The following ADAM22 variants were observed in gnomAD, a reference collection of about 807,000 sequenced individuals.
The protein encoded by ADAM22 is disintegrin and metalloproteinase domain-containing protein 22.
In ADAM22, 65 loss-of-function variants were observed where a neutral mutation model predicts 144.6. That is an observed-to-expected ratio of 0.45 (90% CI 0.37 to 0.55). The LOEUF is 0.55. ADAM22 is among the 20% of genes least tolerant of loss of function. The pLI, the probability that ADAM22 is intolerant of heterozygous loss-of-function variation, is 0.00. For missense variants in ADAM22, 974 were observed against 1,184.9 expected (o/e 0.82, Z 2.61); for synonymous variants, 391 against 412.6 (o/e 0.95, Z 0.63).
intron 2 of ADAM22, among the ~76,000 whole-genome samples, chr7:87,971,606 T>C (rs188039932): frequency 7.9e-4 from 120 of 152,336 alleles, no homozygotes; most frequent in African/African-American, 2.8e-3. Context: ...GTTTTTCCAG[T>C]ATCTGTGAGG....
intron 18 of ADAM22, among the ~76,000 whole-genome samples, chr7:88,150,447 G>T (rs1301284629): frequency 2.0e-5 from 3 of 152,152 alleles, no homozygotes; most frequent in Non-Finnish European, 4.4e-5. Context: ...ATTATAAAGT[G>T]TGCCCTTTTC....
At chr7:88,039,787 GT>G in intron 3 of ADAM22, among the ~76,000 whole-genome samples, 1 of 151,740 alleles carries the variant, frequency 6.6e-6, no homozygotes, top group Non-Finnish European at 1.5e-5. Flanking sequence ...CACTTTACCA[GT>G]AACATACTAG....
At chr7:87,971,691 T>C (rs1020007456) in intron 2 of ADAM22, among the ~76,000 whole-genome samples, 1 of 152,244 alleles carries the variant, frequency 6.6e-6, no homozygotes, top group Non-Finnish European at 1.5e-5. Flanking sequence ...CCTTAGCCTG[T>C]GTCCCCCACC....
intron 3 of ADAM22, among the ~76,000 whole-genome samples, chr7:88,006,502 G>A (rs369369461): frequency 5.9e-5 from 9 of 152,084 alleles, no homozygotes; most frequent in Non-Finnish European, 1.0e-4. Context: ...AAAATCCTCA[G>A]TAAAATACTG....
intron 15 of ADAM22, among the ~76,000 whole-genome samples, chr7:88,144,533 G>T (rs957413009): frequency 2.6e-5 from 4 of 152,042 alleles, no homozygotes; most frequent in African/African-American, 9.7e-5. Flanking sequence ...CTAATTTTTT[G>T]ATGCTTTTCT....
At chr7:88,065,067 G>T (rs1436758627) in intron 3 of ADAM22, among the ~76,000 whole-genome samples, 1 of 152,030 alleles carries the variant, frequency 6.6e-6, no homozygotes, top group Non-Finnish European at 1.5e-5. Flanking sequence ...GAGAAATTTT[G>T]TGATAAGTAC....
At chr7:88,075,993 A>C (rs1344517822) in intron 4 of ADAM22, among the ~76,000 whole-genome samples, 2 of 151,726 alleles carry the variant, frequency 1.3e-5, no homozygotes, top group African/African-American at 4.8e-5. Flanking sequence ...TTAATGGCAA[A>C]AACCCCAATT....
At chr7:87,992,608 A>G (rs1030129261) in intron 3 of ADAM22, among the ~76,000 whole-genome samples, 5 of 152,194 alleles carry the variant, frequency 3.3e-5, no homozygotes, top group Admixed American at 6.5e-5. Flanking sequence ...TTCCATAGGT[A>G]GTATTCGTTT....
At chr7:88,187,920 C>A (rs1355430945) in intron 30 of ADAM22, among the ~76,000 whole-genome samples, 1 of 151,782 alleles carries the variant, frequency 6.6e-6, no homozygotes, top group Admixed American at 6.6e-5. Context: ...TTTTATACCC[C>A]ATCTTTCCCT....
intron 5 of ADAM22, among the ~76,000 whole-genome samples, chr7:88,111,561 G>A (rs1410836551): frequency 1.3e-5 from 2 of 152,098 alleles, no homozygotes; most frequent in African/African-American, 2.4e-5. Flanking sequence ...GAACCTTAAA[G>A]CACGGAGTTA....
At chr7:88,179,775 AAAG>A (rs1268791411) in intron 27 of ADAM22, among the ~76,000 whole-genome samples, 4 of 152,114 alleles carry the variant, frequency 2.6e-5, no homozygotes, top group South Asian at 2.1e-4. Context: ...AAATAAATGA[AAAG>A]AAGAAATAAA....
At position 88,166,014 on chromosome 7, in the gene ADAM22, T is replaced by G. The variant is rs756030781; in HGVS notation, c.2191+68T>G. 324 of 1,062,456 alleles carry G rather than the reference T, an allele frequency of 3.0e-4. No homozygotes were observed. In the Middle Eastern group the frequency reaches 7.6e-3, roughly 25 times the overall value. 65.8% of individuals were successfully genotyped at this position (1,062,456 alleles called of 1,614,324 possible). On this transcript the variant is annotated intron_variant, in intron 24 of 31. Transcript: ENST00000413139. ...AAGAGAAAGCTGCTCTCTGAAAACT[T>G]TTATTTGAGTTATTTTTATGATAAT... is the stretch of plus-strand genomic sequence containing the variant.
intron 3 of ADAM22, among the ~76,000 whole-genome samples, chr7:88,057,540 T>C (rs1198164820): frequency 1.3e-5 from 2 of 152,184 alleles, no homozygotes; most frequent in Non-Finnish European, 2.9e-5. Context: ...AAGATGACAG[T>C]TTTAAAAATG....
chr7:87,984,622 C>A (rs1333665761), intron 3 of ADAM22, among the ~76,000 whole-genome samples: 5 of 152,130 alleles, frequency 3.3e-5, no homozygotes, highest in African/African-American at 4.8e-5. Flanking sequence ...CGTTCCTATT[C>A]TTAAATCCTC....
rs191146031 is a variant in ADAM22, at chr7:87,946,671, C to T, written c.246+11485C>T. Among the ~76,000 whole-genome samples, 308 of 152,252 alleles carry T rather than the reference C, an allele frequency of 2.0e-3. 1 individual carries two copies. The highest frequency in any genetic ancestry group is 4.4e-3 in the South Asian group (21 of 4,820). The stretch of plus-strand genomic sequence containing the variant: ...AGATCAGATGGCTGGAGGTATGCAG[C>T]TTTGTTTCTGGGCTCTCTATTGTGT... On this transcript the variant is annotated intron_variant, in intron 2 of 31. Transcript: ENST00000413139.
chr7:88,172,694 G>T (rs1844647375), intron 26 of ADAM22, among the ~76,000 whole-genome samples: 1 of 151,944 alleles, frequency 6.6e-6, no homozygotes, highest in South Asian at 2.1e-4. Context: ...GTCAGTTTGT[G>T]TAGACAACAG....
chr7:88,094,006 A>T (rs1820612589), intron 4 of ADAM22, among the ~76,000 whole-genome samples: 1 of 152,198 alleles, frequency 6.6e-6, no homozygotes, highest in African/African-American at 2.4e-5. Context: ...AAAAAGCCAT[A>T]ATTCTCAGAT....
intron 4 of ADAM22, among the ~76,000 whole-genome samples, chr7:88,083,004 T>C (rs1423753250): frequency 1.3e-5 from 2 of 152,142 alleles, no homozygotes; most frequent in South Asian, 2.1e-4. Flanking sequence ...ACCCAAAGGA[T>C]TATAAATCAT....
At chr7:87,974,067 C>A (rs1851249864) in intron 2 of ADAM22, among the ~76,000 whole-genome samples, 1 of 149,858 alleles carries the variant, frequency 6.7e-6, no homozygotes, top group South Asian at 2.1e-4. Context: ...TGCACATGTA[C>A]CCTAAAACTT....
Sources: gnomAD v4.1 joint callset for allele counts (sites outside exome capture counted in the v4.1 genomes callset) on GRCh38, gnomAD v4.1.1 for gene constraint, MANE v1.5 for transcripts, NCBI Gene and HGNC (gene_info 2026-07-23, HGNC 2026-07-21) for gene names.